The following DPP6 variants were observed in gnomAD, a reference collection of about 807,000 sequenced individuals.
The protein encoded by DPP6 is dipeptidyl peptidase like 6, also known as A-type potassium channel modulatory protein DPP6.
DPP6 carries 69 observed loss-of-function variants against 122.6 expected under a neutral mutation model. The observed-to-expected ratio is 0.56, with a 90% CI of 0.46 to 0.69. The LOEUF (loss-of-function observed/expected upper bound fraction) is 0.69. Ranked by LOEUF, DPP6 falls within the 30% of genes least tolerant of loss-of-function variation. The pLI is 0.00. For missense variants in DPP6, 928 were observed against 1,116.9 expected (o/e 0.83, Z 2.41); for synonymous variants, 418 against 433.1 (o/e 0.97, Z 0.43).
chr7:154,123,623 G>A (rs1177734242), intron 1 of DPP6, among the ~76,000 whole-genome samples: 5 of 152,182 alleles, frequency 3.3e-5, no homozygotes, highest in African/African-American at 1.2e-4. Flanking sequence ...TGGGGCCTCT[G>A]TGCTTATCAG....
chr7:154,153,728 C>A (rs1796541807), intron 1 of DPP6, among the ~76,000 whole-genome samples: 1 of 152,364 alleles, frequency 6.6e-6, no homozygotes. Flanking sequence ...GTTTTCCTAT[C>A]AACTACTCAA....
chr7:154,154,543 A>C (rs1421938656), intron 1 of DPP6, among the ~76,000 whole-genome samples: 1 of 152,202 alleles, frequency 6.6e-6, no homozygotes, highest in African/African-American at 2.4e-5. Context: ...ATTTACTCCC[A>C]TTTGAACCCC....
chr7:154,497,443 T>C (rs768193954), intron 3 of DPP6, among the ~76,000 whole-genome samples: 2 of 152,020 alleles, frequency 1.3e-5, no homozygotes, highest in Non-Finnish European at 2.9e-5. Flanking sequence ...CCCCCATCTC[T>C]ACTAAAAATA....
At chr7:153,814,647 C>G in the DPP6 span, among the ~76,000 whole-genome samples, 1 of 152,158 alleles carries the variant, frequency 6.6e-6, no homozygotes, top group Non-Finnish European at 1.5e-5. Context: ...CGGGCAGAGA[C>G]ACAACCAAAA....
chr7:154,118,779 G>A lies in DPP6; in HGVS notation c.243+65716G>A, dbSNP rs368028621. On this transcript the variant is annotated intron_variant, in intron 1 of 25. Transcript: ENST00000377770. ...CCACACAGGCAACCCGTGCTTTCCA[G>A]ACAAATCTCACAACATCAAACTAGA... is the stretch of plus-strand genomic sequence containing the variant. Among the ~76,000 whole-genome samples the A allele has an allele frequency of 3.1e-4, 46 of 146,826 alleles. No individual in the cohort carries two copies. In the East Asian group the frequency reaches 8.3e-3, roughly 26 times the overall value.
At chr7:153,889,035 CAG>C (rs939445854) in intron 1 of DPP6, among the ~76,000 whole-genome samples, 15 of 152,184 alleles carry the variant, frequency 9.9e-5, no homozygotes, top group African/African-American at 3.6e-4. Context: ...TGTTGCCTGG[CAG>C]AGAGAAGCGC....
intron 1 of DPP6, among the ~76,000 whole-genome samples, chr7:154,209,950 A>G (rs779740651): frequency 1.3e-5 from 2 of 152,192 alleles, no homozygotes; most frequent in Admixed American, 6.5e-5. Context: ...GTCCAAGGCA[A>G]TAGGACTTCC....
chr7:154,091,823 C>T (rs147014472), intron 1 of DPP6, among the ~76,000 whole-genome samples: 3,284 of 150,608 alleles, frequency 0.022, 145 homozygotes, highest in African/African-American at 0.078. Flanking sequence ...ATGTGGACAT[C>T]CACTGCCCAG....
intron 4 of DPP6, among the ~76,000 whole-genome samples, chr7:154,542,440 A>G (rs1412086841): frequency 6.6e-6 from 1 of 152,176 alleles, no homozygotes; most frequent in Non-Finnish European, 1.5e-5. Flanking sequence ...CAGTTTAGTA[A>G]AGGCTGGGTG....
At chr7:154,878,464 C>T (rs2150663350) in intron 20 of DPP6, among the ~76,000 whole-genome samples, 1 of 152,358 alleles carries the variant, frequency 6.6e-6, no homozygotes, top group East Asian at 1.9e-4. Flanking sequence ...AGCTGATGCC[C>T]AATGGCGCCA....
rs547067621 is a variant in DPP6 at position 154,863,444 on chromosome 7, C to T, written c.1715-4551C>T. ...GCTATCCTCCCACTGCAGCCTCGAC[C>T]TCCAGAGCTCAAGCTGTCCTCCCAC... On this transcript the variant is annotated intron_variant, in intron 17 of 25. Transcript: ENST00000377770. This position sits in a 1 kb window ranked among gnomAD's most constrained non-coding sequence, Gnocchi z 4.1. Among the ~76,000 whole-genome samples the T allele has an allele frequency of 6.6e-6, 1 of 151,468 alleles. No individual in the cohort carries two copies. The highest frequency in any genetic ancestry group is 2.0e-4 in the East Asian group (1 of 4,990).
At chr7:154,550,572 T>G (rs1829550114) in intron 4 of DPP6, among the ~76,000 whole-genome samples, 1 of 152,188 alleles carries the variant, frequency 6.6e-6, no homozygotes, top group Non-Finnish European at 1.5e-5. Context: ...AGGGTTTACT[T>G]AAGTCATGTG....
chr7:153,988,893 A>C (rs545515191), intron 1 of DPP6, among the ~76,000 whole-genome samples: 29 of 149,554 alleles, frequency 1.9e-4, no homozygotes, highest in Non-Finnish European at 3.7e-4. Flanking sequence ...GAGAGCGGTG[A>C]TGTATGGAAG....
intron 4 of DPP6, among the ~76,000 whole-genome samples, chr7:154,543,140 C>T (rs911043902): frequency 6.6e-6 from 1 of 152,172 alleles, no homozygotes; most frequent in South Asian, 2.1e-4. Flanking sequence ...ATCAGGTGTT[C>T]TCTTCTCATT....
At chr7:154,747,695 C>T (rs781595273) in intron 8 of DPP6, among the ~76,000 whole-genome samples, 2 of 152,106 alleles carry the variant, frequency 1.3e-5, no homozygotes, top group African/African-American at 2.4e-5. Flanking sequence ...TGAATAAGTG[C>T]CTAAGATCCT....
intron 1 of DPP6, among the ~76,000 whole-genome samples, chr7:154,221,442 A>T (rs1800301793): frequency 6.6e-6 from 1 of 152,054 alleles, no homozygotes; most frequent in Non-Finnish European, 1.5e-5. Flanking sequence ...CACCCAGCCT[A>T]CCACTGTGCT....
rs146020057 is a variant in DPP6, at chr7:154,421,430, C to T, written c.244-24784C>T. Among the ~76,000 whole-genome samples, 504 of 151,668 alleles carry T rather than the reference C, an allele frequency of 3.3e-3. 11 individuals are homozygous for T. The highest frequency in any genetic ancestry group is 0.026 in the Admixed American group (389 of 15,192). ...CTCCGCCTCCCAGGTTCAACCAATTCTCTTGCATCATCCTCCTCAGTAGCT... is the reference window on the plus strand; with the variant it reads ...CTCCGCCTCCCAGGTTCAACCAATTTTCTTGCATCATCCTCCTCAGTAGCT... On this transcript the variant is annotated intron_variant, in intron 1 of 25. Transcript: ENST00000377770.
At chr7:154,385,283 C>T (rs1238181496) in intron 1 of DPP6, among the ~76,000 whole-genome samples, 2 of 152,146 alleles carry the variant, frequency 1.3e-5, no homozygotes, top group East Asian at 3.9e-4. Context: ...GGCTTCGTGC[C>T]TTCTACCATG....
At chr7:153,954,824 G>A (rs1802384195) in intron 1 of DPP6, among the ~76,000 whole-genome samples, 2 of 152,148 alleles carry the variant, frequency 1.3e-5, no homozygotes, top group African/African-American at 2.4e-5. Flanking sequence ...AAGCCTCCAC[G>A]ATCATGTGAA....
Sources: allele counts gnomAD v4.1 joint callset (sites outside exome capture counted in the v4.1 genomes callset), GRCh38; gene constraint gnomAD v4.1.1; non-coding constraint Gnocchi (gnomAD v3.1); transcripts MANE v1.5; gene names NCBI Gene and HGNC (gene_info 2026-07-23, HGNC 2026-07-21).